Variants in CDC42SE2 observed in about 807,000 individuals in gnomAD.
CDC42SE2 encodes the protein CDC42 small effector protein 2.
A neutral mutation model predicts 11.5 loss-of-function variants in CDC42SE2; 3 were observed. That is an observed-to-expected ratio of 0.26 (90% CI 0.12 to 0.67). The LOEUF is 0.67. Ranked by LOEUF, CDC42SE2 falls within the 30% of genes least tolerant of loss-of-function variation. CDC42SE2 has a pLI of 0.80. For synonymous variants in CDC42SE2, 33 were observed against 34.8 expected, an observed-to-expected ratio of 0.95 and a Z score of 0.18; for missense variants, 82 against 106.8, an observed-to-expected ratio of 0.77 and a Z score of 1.02.
intron 2 of CDC42SE2, among the ~76,000 whole-genome samples, chr5:131,334,432 G>T (rs1174437558): frequency 3.3e-5 from 5 of 151,898 alleles, no homozygotes; most frequent in Admixed American, 6.6e-5. Context: ...TCTCTTTTTT[G>T]GTTGTGTCTC....
the CDC42SE2 span, among the ~76,000 whole-genome samples, chr5:131,228,737 G>C: frequency 6.6e-6 from 1 of 152,158 alleles, no homozygotes; most frequent in Non-Finnish European, 1.5e-5. Flanking sequence ...CTGAGGAAGT[G>C]ATTGAGGTTA....
At chr5:131,275,463 A>G (rs570091438) in intron 1 of CDC42SE2, among the ~76,000 whole-genome samples, 1 of 151,770 alleles carries the variant, frequency 6.6e-6, no homozygotes, top group Non-Finnish European at 1.5e-5. Context: ...GGCCAGGCTA[A>G]TTTTGTTTTT....
upstream of CDC42SE2, among the ~76,000 whole-genome samples, chr5:131,243,442 C>T (rs1430819273): frequency 2.6e-5 from 4 of 151,986 alleles, no homozygotes; most frequent in East Asian, 3.9e-4. Flanking sequence ...AAAAATTAGC[C>T]GGGCGTGGTG....
intron 2 of CDC42SE2, among the ~76,000 whole-genome samples, chr5:131,340,149 A>G (rs1561590715): frequency 1.3e-5 from 2 of 152,226 alleles, no homozygotes; most frequent in Non-Finnish European, 2.9e-5. Context: ...GAATAAAGGA[A>G]AAAATACAGT....
At chr5:131,351,089 G>C (rs1758998510) in intron 2 of CDC42SE2, among the ~76,000 whole-genome samples, 1 of 152,010 alleles carries the variant, frequency 6.6e-6, no homozygotes, top group African/African-American at 2.4e-5. Context: ...TGGGACTACA[G>C]GTGTGTGCAA....
chr5:131,266,954 CT>C (rs34496996), intron 1 of CDC42SE2, among the ~76,000 whole-genome samples: 32,746 of 69,690 alleles, frequency 0.47, 5,086 homozygotes, highest in Non-Finnish European at 0.55. Context: ...AAGTGTTTGG[CT>C]TTTTTTTTTT....
chr5:131,286,653 CCTT>C (rs1580732061), intron 1 of CDC42SE2, among the ~76,000 whole-genome samples: 1 of 152,100 alleles, frequency 6.6e-6, no homozygotes, highest in Middle Eastern at 3.4e-3. Context: ...TCCTTTTCCT[CCTT>C]CTCTTCAGTC....
At chr5:131,255,790 A>G (rs191213906) in intron 2 of CDC42SE2, among the ~76,000 whole-genome samples, 29 of 152,334 alleles carry the variant, frequency 1.9e-4, no homozygotes, top group Admixed American at 3.3e-4. Flanking sequence ...GAAGTTGTGA[A>G]AAGAATTCCA....
chr5:131,382,562 C>G (rs1041161497), intron 3 of CDC42SE2, among the ~76,000 whole-genome samples: 1 of 152,170 alleles, frequency 6.6e-6, no homozygotes, highest in Non-Finnish European at 1.5e-5. Context: ...AAGACTCCTC[C>G]TAGTGGTCTG....
chr5:131,377,934 A>G (rs1288566157), intron 3 of CDC42SE2, among the ~76,000 whole-genome samples: 2 of 152,214 alleles, frequency 1.3e-5, no homozygotes, highest in Non-Finnish European at 2.9e-5. Context: ...CTGAGCTGAC[A>G]TTGTTTCTTT....
At chr5:131,265,113 CAG>C (rs1260979459) in intron 1 of CDC42SE2, among the ~76,000 whole-genome samples, 1 of 152,092 alleles carries the variant, frequency 6.6e-6, no homozygotes, top group Non-Finnish European at 1.5e-5. Flanking sequence ...TGTCGGCAAA[CAG>C]TATGTATTTT....
upstream of CDC42SE2, among the ~76,000 whole-genome samples, chr5:131,243,361 C>T (rs997590841): frequency 2.0e-5 from 3 of 152,136 alleles, no homozygotes; most frequent in African/African-American, 7.2e-5. Context: ...GGGTGGATCA[C>T]GAGGTCAGGA....
At chr5:131,255,002 C>G (rs113629570) in intron 1 of CDC42SE2, 17 of 152,050 alleles carry the variant, frequency 1.1e-4, no homozygotes, top group Non-Finnish European at 2.1e-4. Context: ...AAAAAATCTT[C>G]TAAGTTTGCT....
chr5:131,309,727 T>C lies in CDC42SE2; in HGVS notation c.-454-6249T>C, dbSNP rs367781512. Among the ~76,000 whole-genome samples the C allele has an allele frequency of 1.3e-4, 20 of 152,030 alleles. 1 individual carries two copies. The highest frequency in any genetic ancestry group is 9.6e-4 in the East Asian group (5 of 5,196). Reference sequence around the variant, plus strand: ...CATTTCTTCTAGATTTTCTAGTTTATTTGCGTAGAGGTGTTTGTAGTATTC... The same window carrying C: ...CATTTCTTCTAGATTTTCTAGTTTACTTGCGTAGAGGTGTTTGTAGTATTC... On this transcript the variant is annotated intron_variant, in intron 1 of 4. Transcript: ENST00000505065.
At chr5:131,311,076 G>T (rs1757897905) in intron 1 of CDC42SE2, among the ~76,000 whole-genome samples, 1 of 151,644 alleles carries the variant, frequency 6.6e-6, no homozygotes, top group Non-Finnish European at 1.5e-5. Context: ...GCAGCGGCTG[G>T]TACCAGTTTT....
intron 1 of CDC42SE2, among the ~76,000 whole-genome samples, chr5:131,288,450 G>A (rs1369075169): frequency 6.6e-6 from 1 of 152,082 alleles, no homozygotes; most frequent in Non-Finnish European, 1.5e-5. Context: ...TATGGTGAGT[G>A]TCTCATTAAA....
chr5:131,370,779 A>G (rs1749994834), intron 3 of CDC42SE2, among the ~76,000 whole-genome samples: 1 of 152,174 alleles, frequency 6.6e-6, no homozygotes, highest in African/African-American at 2.4e-5. Flanking sequence ...ATGGCCAAAG[A>G]GTTGCTTCTA....
At chr5:131,385,734 A>G in intron 4 of CDC42SE2, 90 bp downstream of exon 4, 2 of 703,570 alleles carry the variant, frequency 2.8e-6, no homozygotes, top group Non-Finnish European at 5.0e-6. Flanking sequence ...TAATAGCATT[A>G]TGCTAAATGA....
chr5:131,253,724 C>T (rs1262148809), intron 1 of CDC42SE2, among the ~76,000 whole-genome samples: 1 of 152,108 alleles, frequency 6.6e-6, no homozygotes, highest in African/African-American at 2.4e-5. Flanking sequence ...GAGATTGCAC[C>T]ATTGCACTCC....
Sources: gnomAD v4.1 joint callset for allele counts (sites outside exome capture counted in the v4.1 genomes callset) on GRCh38, gnomAD v4.1.1 for gene constraint, MANE v1.5 for transcripts, NCBI Gene and HGNC (gene_info 2026-07-23, HGNC 2026-07-21) for gene names.